Variants in KIAA1217 observed in about 807,000 individuals in gnomAD.
The protein encoded by KIAA1217 is sickle tail protein homolog.
Under a neutral mutation model 163.9 loss-of-function variants are expected in KIAA1217, and 88 were observed. The ratio of observed to expected loss-of-function variants is 0.54; its 90% CI spans 0.45 to 0.64. The LOEUF (loss-of-function observed/expected upper bound fraction) is 0.64. KIAA1217 is among the 30% of genes least tolerant of loss of function. The pLI is 0.00. For synonymous variants in KIAA1217, 903 were observed against 923.1 expected (o/e 0.98, Z 0.39); for missense variants, 2,372 against 2,475.0 (o/e 0.96, Z 0.88).
At chr10:23,876,650 A>C (rs16924005) in intron 1 of KIAA1217, among the ~76,000 whole-genome samples, 31,302 of 151,806 alleles carry the variant, frequency 0.21, 3,440 homozygotes, top group African/African-American at 0.26. Context: ...ACAATGCTAG[A>C]CCAGTGTCCA....
chr10:23,763,258 A>C (rs1834350932), intron 1 of KIAA1217, among the ~76,000 whole-genome samples: 1 of 152,206 alleles, frequency 6.6e-6, no homozygotes, highest in South Asian at 2.1e-4. Flanking sequence ...ATTAGAAAAA[A>C]CTATTTTAAA....
intron 1 of KIAA1217, among the ~76,000 whole-genome samples, chr10:23,891,475 C>T (rs1023132274): frequency 5.3e-5 from 8 of 151,998 alleles, no homozygotes; most frequent in Non-Finnish European, 1.0e-4. Flanking sequence ...CAGGACCCAG[C>T]CATTCAGGTT....
At chr10:24,436,757 CAAAAAAAAAAA>C (rs10560676) in intron 4 of KIAA1217, among the ~76,000 whole-genome samples, 17 of 70,874 alleles carry the variant, frequency 2.4e-4, no homozygotes, top group African/African-American at 8.6e-4. Flanking sequence ...GACTCCGTCT[CAAAAAAAAAAA>C]AAAAAAAAAA....
chr10:24,382,203 A>T (rs190899218), intron 3 of KIAA1217, among the ~76,000 whole-genome samples: 155 of 152,194 alleles, frequency 1.0e-3, no homozygotes, highest in Non-Finnish European at 1.5e-3. Flanking sequence ...TTGCAAACAG[A>T]TGGGCTTGGG....
chr10:23,901,424 A>C (rs991510847), intron 1 of KIAA1217, among the ~76,000 whole-genome samples: 7 of 152,132 alleles, frequency 4.6e-5, no homozygotes, highest in Non-Finnish European at 1.0e-4. Flanking sequence ...AGAAAATAAA[A>C]TATACTGATA....
intron 1 of KIAA1217, among the ~76,000 whole-genome samples, chr10:23,704,897 G>C (rs548356347): frequency 2.0e-5 from 3 of 152,242 alleles, no homozygotes; most frequent in African/African-American, 7.2e-5. Flanking sequence ...TTCCAGAGCA[G>C]CTGCATCATC....
intron 1 of KIAA1217, among the ~76,000 whole-genome samples, chr10:23,701,138 T>G (rs1836423155): frequency 6.6e-6 from 1 of 152,192 alleles, no homozygotes; most frequent in East Asian, 1.9e-4. Context: ...ACATTATTAT[T>G]ATGGTGTCAT....
At chr10:24,526,293 C>T (rs981392622) in intron 13 of KIAA1217, among the ~76,000 whole-genome samples, 2 of 152,118 alleles carry the variant, frequency 1.3e-5, no homozygotes, top group Non-Finnish European at 2.9e-5. Context: ...CGCAAGGGCC[C>T]TGGCTTGCCT....
intron 2 of KIAA1217, among the ~76,000 whole-genome samples, chr10:24,169,057 T>C (rs941554775): frequency 2.6e-5 from 4 of 152,226 alleles, no homozygotes; most frequent in African/African-American, 9.6e-5. Context: ...GTGCAGTTGA[T>C]AAAATGAGCA....
At chr10:23,707,528 C>T (rs1007213206) in intron 1 of KIAA1217, among the ~76,000 whole-genome samples, 15 of 151,992 alleles carry the variant, frequency 9.9e-5, no homozygotes, top group Admixed American at 3.9e-4. Context: ...TAAGTGGGAG[C>T]GAAACAATGG....
intron 2 of KIAA1217, among the ~76,000 whole-genome samples, chr10:24,364,752 GCCTT>G (rs911179391): frequency 2.0e-5 from 3 of 151,832 alleles, no homozygotes; most frequent in Admixed American, 6.6e-5. Context: ...TTGCCTGCCT[GCCTT>G]CCTTCCTTTC....
At chr10:23,726,085 C>A (rs1335820) in intron 1 of KIAA1217, among the ~76,000 whole-genome samples, 12 of 151,860 alleles carry the variant, frequency 7.9e-5, no homozygotes, top group Non-Finnish European at 1.5e-4. Context: ...TTTCTTCCTA[C>A]GATTTTAAGG....
At chr10:23,713,144 C>T (rs1331012285) in intron 1 of KIAA1217, among the ~76,000 whole-genome samples, 2 of 152,096 alleles carry the variant, frequency 1.3e-5, no homozygotes, top group Non-Finnish European at 2.9e-5. Context: ...TTGCAGATTA[C>T]TAGGAAGCCA....
intron 1 of KIAA1217, among the ~76,000 whole-genome samples, chr10:23,951,311 A>G (rs1844325464): frequency 6.6e-6 from 1 of 152,172 alleles, no homozygotes; most frequent in Non-Finnish European, 1.5e-5. Context: ...GGTTGCTAGT[A>G]ATGTCCTCAT....
At chr10:24,525,027 C>CCTGTAGGAAGGTG (rs1347875286) in intron 13 of KIAA1217, among the ~76,000 whole-genome samples, 11 of 150,996 alleles carry the variant, frequency 7.3e-5, no homozygotes, top group Admixed American at 6.6e-5. Flanking sequence ...GGTGAGACAG[C>CCTGTAGGAAGGTG]AGTGTGCTGG....
In KIAA1217 at chr10:23,744,104, C is replaced by T. The variant is rs890075760; in HGVS notation, c.-321+48870C>T. Among the ~76,000 whole-genome samples, 13 of 152,106 alleles carry T rather than the reference C, an allele frequency of 8.5e-5. No individual in the cohort carries two copies. In the East Asian group the frequency reaches 2.5e-3, roughly 29 times the overall value. On this transcript the variant is annotated intron_variant, in intron 1 of 18. Transcript: ENST00000376462. Reference sequence around the variant, plus strand: ...GACCACTTAGAACAGCTAGATGGGCCTGGATCAGGGCCAAATCCAACAGGA... The same window carrying T: ...GACCACTTAGAACAGCTAGATGGGCTTGGATCAGGGCCAAATCCAACAGGA...
At chr10:24,170,907 C>T (rs577951672) in intron 2 of KIAA1217, among the ~76,000 whole-genome samples, 15 of 152,320 alleles carry the variant, frequency 9.8e-5, no homozygotes, top group African/African-American at 3.1e-4. Context: ...TACCCTTGAA[C>T]GCATGCCCAG....
chr10:24,532,770 T>C (rs2073319344), intron 15 of KIAA1217, among the ~76,000 whole-genome samples: 1 of 152,096 alleles, frequency 6.6e-6, no homozygotes, highest in African/African-American at 2.4e-5. Flanking sequence ...CACGTGGGAA[T>C]TACGGGAGCT....
In KIAA1217 at chr10:23,790,624, CAT is replaced by C. The variant is rs202041200; in HGVS notation, c.-321+95397_-321+95398del. On this transcript the variant is annotated intron_variant, in intron 1 of 18. Coordinates refer to the KIAA1217 transcript ENST00000376462. ...GTACATATATACATATGTATATATA[CAT>C]ATATATGTACATGTATACATATGTG... Among the ~76,000 whole-genome samples the C allele has an allele frequency of 1.4e-4, 19 of 131,698 alleles. 2 individuals are homozygous for C. Among genetic ancestry groups the C allele is most frequent in the South Asian group, 8.9e-4 (4 of 4,482 alleles). The allele number at this position is 131,698 out of a possible 152,430, so 86.4% of individuals were successfully genotyped here. A position where few individuals can be genotyped will look rare whatever the true frequency, so the allele number is the denominator to read the frequency against.
Sources: allele counts gnomAD v4.1 joint callset (sites outside exome capture counted in the v4.1 genomes callset), GRCh38; gene constraint gnomAD v4.1.1; transcripts MANE v1.5; gene names NCBI Gene and HGNC (gene_info 2026-07-23, HGNC 2026-07-21).